The following PCDHGA7 variants were observed in gnomAD, a reference collection of about 807,000 sequenced individuals.
The protein encoded by PCDHGA7 is protocadherin gamma subfamily A, 7.
Under a neutral mutation model 58.3 loss-of-function variants are expected in PCDHGA7, and 44 were observed. That is an observed-to-expected ratio of 0.75 (90% CI 0.59 to 0.97). The LOEUF (loss-of-function observed/expected upper bound fraction) is 0.97, where lower values mean the gene tolerates loss of function less well. PCDHGA7 is among the 50% of genes least tolerant of loss of function. The pLI is 0.00. For synonymous variants in PCDHGA7, 516 were observed against 504.2 expected (o/e 1.02, Z -0.31); for missense variants, 1,266 against 1,188.7 (o/e 1.06, Z -0.96).
At chr5:141,450,587 A>G (rs1396203849) in intron 1 of PCDHGA7, among the ~76,000 whole-genome samples, 1 of 151,720 alleles carries the variant, frequency 6.6e-6, no homozygotes, top group East Asian at 1.9e-4. Flanking sequence ...CCCAGGTTCA[A>G]GCAATTCTCC....
chr5:141,469,206 AG>A (rs1457933263), intron 1 of PCDHGA7, among the ~76,000 whole-genome samples: 1 of 150,920 alleles, frequency 6.6e-6, no homozygotes, highest in African/African-American at 2.4e-5. Context: ...AGCCTTTTGA[AG>A]TTGAGGCTTC....
At chr5:141,389,577 C>A in intron 1 of PCDHGA7, 1 of 1,613,244 alleles carries the variant, frequency 6.2e-7, no homozygotes. Context: ...GTACCCCGCG[C>A]TGGGTCCCGA....
chr5:141,410,598 C>T, intron 1 of PCDHGA7: 2 of 1,608,528 alleles, frequency 1.2e-6, no homozygotes, highest in Non-Finnish European at 1.7e-6. Context: ...GATTTGACTT[C>T]ACATCCTGAG....
At chr5:141,472,980 CAAAAAAA>C (rs60579131) in intron 1 of PCDHGA7, among the ~76,000 whole-genome samples, 1 of 86,108 alleles carries the variant, frequency 1.2e-5, no homozygotes, top group East Asian at 4.1e-4. Context: ...GAGTGAAACT[CAAAAAAA>C]AAAAAAAAAA....
chr5:141,422,838 C>T (rs201218542), intron 1 of PCDHGA7: 182 of 1,614,252 alleles, frequency 1.1e-4, no homozygotes, highest in Middle Eastern at 1.6e-4. Context: ...TAGCACGTGA[C>T]AGCGGGGACC....
intron 1 of PCDHGA7, chr5:141,418,028 A>C (rs767425160): frequency 1.2e-6 from 2 of 1,613,970 alleles, no homozygotes; most frequent in East Asian, 4.5e-5. Context: ...TCTAGGGCTT[A>C]GTGTCCTGGA....
chr5:141,437,628 T>C (rs2097897572), intron 1 of PCDHGA7, among the ~76,000 whole-genome samples: 1 of 152,212 alleles, frequency 6.6e-6, no homozygotes, highest in African/African-American at 2.4e-5. Context: ...CCATATAAGA[T>C]GTCAGGTTCA....
rs368791778 is a variant in PCDHGA7, at chr5:141,409,216, T to C, written c.2424+23893T>C. The C allele has an allele frequency of 4.3e-6, 7 of 1,613,886 alleles. No homozygotes were observed. The African/African-American group carries it at 9.3e-5, about 22-fold the overall frequency. On this transcript the variant is annotated intron_variant, in intron 1 of 3. Coordinates refer to ENST00000518325, the MANE Select transcript of PCDHGA7 (RefSeq NM_018920.4). ...AGTGTAAAGTAATCATAGAAATCCT[T>C]GATGAAAACGACAACAGCCCAGAAA...
In PCDHGA7 at chr5:141,492,000, A is replaced by G; in HGVS notation, c.2425-2807A>G. On this transcript the variant is annotated intron_variant, in intron 1 of 3. Transcript: ENST00000518325. The surrounding 1 kb of genome is among the most constrained non-coding windows in gnomAD (Gnocchi z 6.9). Reference sequence around the variant, plus strand: ...TCGAGCTTCCGGTGAATTTCGGGCGATTTCCGCGGGTGTCGGGGGTCCCGG... The same window carrying G: ...TCGAGCTTCCGGTGAATTTCGGGCGGTTTCCGCGGGTGTCGGGGGTCCCGG... 1 of 659,856 alleles carries G rather than the reference A, an allele frequency of 1.5e-6. No homozygotes were observed. The highest frequency in any genetic ancestry group is 3.1e-5 in the South Asian group (1 of 32,438). 40.9% of individuals were successfully genotyped at this position (659,856 alleles called of 1,614,324 possible).
At chr5:141,500,184 T>A (rs889800014) in intron 2 of PCDHGA7, among the ~76,000 whole-genome samples, 89 of 135,966 alleles carry the variant, frequency 6.5e-4, no homozygotes, top group African/African-American at 2.4e-3. Flanking sequence ...TCATTTTTAT[T>A]TTTATTTATT....
rs770357830 is a variant in PCDHGA7 at position 141,392,977 on chromosome 5, A to G, written c.2424+7654A>G. On this transcript the variant is annotated intron_variant, in intron 1 of 3. Coordinates refer to ENST00000518325, the MANE Select transcript of PCDHGA7 (RefSeq NM_018920.4). ...AATATCTCCAAGGACCTGGGGCTGG[A>G]CCCCCGGAAGCTGGCGAAGCACGGA... 1.9e-6 allele frequency: 3 copies of G among 1,613,560 alleles called. No homozygotes were observed. The highest frequency in any genetic ancestry group is 4.5e-5 in the East Asian group (2 of 44,876).
At position 141,498,794 on chromosome 5, in the gene PCDHGA7, G is replaced by A. The variant is rs184257963; in HGVS notation, c.2483+3929G>A. ...TAAAAATACAAAATATTAGCCAGGT[G>A]TGGTGGTGCACACCTGTAGTCCCAG... On this transcript the variant is annotated intron_variant, in intron 2 of 3. Transcript: ENST00000518325. Among the ~76,000 whole-genome samples the A allele has an allele frequency of 7.9e-5, 12 of 152,224 alleles. No individual in the cohort carries two copies. The East Asian group carries it at 2.3e-3, about 30-fold the overall frequency.
intron 1 of PCDHGA7, chr5:141,468,662 C>G (rs1381049343): frequency 6.6e-6 from 1 of 150,534 alleles, no homozygotes; most frequent in East Asian, 2.0e-4. Context: ...GTCAGGAGAT[C>G]AAGACCATCC....
chr5:141,429,379 T>G (rs573911129), intron 1 of PCDHGA7, among the ~76,000 whole-genome samples: 5 of 151,382 alleles, frequency 3.3e-5, no homozygotes, highest in East Asian at 1.9e-4. Context: ...GAAAATGTGT[T>G]TTTTTTTTAA....
At chr5:141,460,795 G>A (rs1007673184) in intron 1 of PCDHGA7, among the ~76,000 whole-genome samples, 3 of 151,492 alleles carry the variant, frequency 2.0e-5, no homozygotes, top group African/African-American at 4.9e-5. Flanking sequence ...TACACACAAA[G>A]TATATATATG....
intron 2 of PCDHGA7, among the ~76,000 whole-genome samples, chr5:141,496,467 TC>T (rs1289225541): frequency 1.3e-5 from 2 of 152,176 alleles, no homozygotes; most frequent in Admixed American, 1.3e-4. Flanking sequence ...GAGTTATCTT[TC>T]CCCCATCCTG....
chr5:141,437,831 G>C (rs923199746), intron 1 of PCDHGA7, among the ~76,000 whole-genome samples: 16 of 151,256 alleles, frequency 1.1e-4, no homozygotes, highest in African/African-American at 3.4e-4. Flanking sequence ...TCTGCCTCCT[G>C]GGTTCATGCT....
At chr5:141,414,148 G>C in intron 1 of PCDHGA7, 7 of 1,598,900 alleles carry the variant, frequency 4.4e-6, no homozygotes, top group Non-Finnish European at 6.0e-6. Flanking sequence ...AGAAATACAA[G>C]CAGAAGATGG....
intron 1 of PCDHGA7, among the ~76,000 whole-genome samples, chr5:141,448,344 A>G (rs2098583423): frequency 6.6e-6 from 1 of 152,080 alleles, no homozygotes; most frequent in Admixed American, 6.6e-5. Flanking sequence ...CATGTACCTC[A>G]ATCTTAGTAG....
Sources: gnomAD v4.1 joint callset for allele counts (sites outside exome capture counted in the v4.1 genomes callset) on GRCh38, gnomAD v4.1.1 for gene constraint, Gnocchi (gnomAD v3.1) non-coding constraint, MANE v1.5 for transcripts, NCBI Gene and HGNC (gene_info 2026-07-23, HGNC 2026-07-21) for gene names.